Variants in CCDC171 observed in about 807,000 individuals in gnomAD.
CCDC171 encodes the protein coiled-coil domain-containing protein 171.
In CCDC171, 177 loss-of-function variants were observed where a neutral mutation model predicts 168.2. That is an observed-to-expected ratio of 1.05 (90% CI 0.93 to 1.19). CCDC171 has a LOEUF of 1.19. Among genes scored for constraint, CCDC171 ranks in the 50% most tolerant of loss-of-function variants. CCDC171 has a pLI of 0.00. For synonymous variants in CCDC171, 687 were observed against 540.8 expected (o/e 1.27, Z -3.75); for missense variants, 1,991 against 1,539.0 (o/e 1.29, Z -4.91).
At chr9:16,033,402 A>G (rs1037360043) in intron 6 of CCDC171, among the ~76,000 whole-genome samples, 1 of 152,166 alleles carries the variant, frequency 6.6e-6, no homozygotes, top group African/African-American at 2.4e-5. Context: ...TCAGAACAGC[A>G]GCGGCATTAG....
At chr9:15,781,568 C>G (rs1027609808) in intron 20 of CCDC171, among the ~76,000 whole-genome samples, 1 of 152,056 alleles carries the variant, frequency 6.6e-6, no homozygotes, top group South Asian at 2.1e-4. Context: ...CCCACCACCA[C>G]GCTCAGCTAA....
intron 23 of CCDC171, among the ~76,000 whole-genome samples, chr9:15,851,111 G>A (rs545610595): frequency 6.6e-6 from 1 of 151,950 alleles, no homozygotes; most frequent in Non-Finnish European, 1.5e-5. Flanking sequence ...TGGATGTTAA[G>A]GAACTTAACC....
chr9:15,631,982 A>G (rs1035958203), intron 7 of CCDC171, among the ~76,000 whole-genome samples: 10 of 152,222 alleles, frequency 6.6e-5, no homozygotes, highest in Admixed American at 2.6e-4. Flanking sequence ...CCTTCATGCT[A>G]AAAACTCTCA....
intron 23 of CCDC171, among the ~76,000 whole-genome samples, chr9:15,852,020 T>A (rs1436777549): frequency 2.6e-5 from 4 of 151,976 alleles, no homozygotes; most frequent in African/African-American, 9.6e-5. Flanking sequence ...TTGGTTATTA[T>A]GAATAGTGAA....
chr9:15,609,134 C>G (rs1048735059), intron 6 of CCDC171, among the ~76,000 whole-genome samples: 5 of 149,536 alleles, frequency 3.3e-5, no homozygotes, highest in African/African-American at 4.9e-5. Context: ...GAGTCTCGCT[C>G]TGTCATCTAG....
chr9:16,036,371 A>G (rs765767519), intron 8 of CCDC171, among the ~76,000 whole-genome samples: 58 of 152,374 alleles, frequency 3.8e-4, no homozygotes, highest in Non-Finnish European at 6.0e-4. Flanking sequence ...TTGGCCGGGC[A>G]CGGTGGCTCA....
chr9:15,629,790 A>G (rs1224895532), intron 7 of CCDC171, among the ~76,000 whole-genome samples: 1 of 152,230 alleles, frequency 6.6e-6, no homozygotes, highest in African/African-American at 2.4e-5. Flanking sequence ...AGGTTGGGTT[A>G]CCCACAAAGG....
intron 3 of CCDC171, among the ~76,000 whole-genome samples, chr9:15,988,334 G>C (rs1294100921): frequency 6.6e-6 from 1 of 152,160 alleles, no homozygotes; most frequent in Non-Finnish European, 1.5e-5. Flanking sequence ...GAGTCCTCAA[G>C]GGATGACTAG....
At chr9:15,908,447 T>C (rs1039575286) in intron 24 of CCDC171, among the ~76,000 whole-genome samples, 24 of 150,818 alleles carry the variant, frequency 1.6e-4, no homozygotes, top group African/African-American at 5.6e-4. Flanking sequence ...TAGGTGGGAA[T>C]TGAACAATGA....
At chr9:15,833,751 A>C (rs2060331017) in intron 21 of CCDC171, among the ~76,000 whole-genome samples, 1 of 152,216 alleles carries the variant, frequency 6.6e-6, no homozygotes, top group African/African-American at 2.4e-5. Flanking sequence ...TTTCCTTGCC[A>C]CTTGGCTAAA....
At chr9:15,796,279 C>G (rs1447794999) in intron 21 of CCDC171, among the ~76,000 whole-genome samples, 1 of 151,792 alleles carries the variant, frequency 6.6e-6, no homozygotes, top group African/African-American at 2.4e-5. Flanking sequence ...GAGGAAATAA[C>G]ACATAATGCT....
At chr9:15,779,911 A>C (rs1267751132) in intron 20 of CCDC171, among the ~76,000 whole-genome samples, 1 of 152,254 alleles carries the variant, frequency 6.6e-6, no homozygotes, top group African/African-American at 2.4e-5. Flanking sequence ...TGGGATAGTT[A>C]TTAACATTGC....
Position 15,657,166 on chromosome 9 carries a change from G to A in CCDC171, c.862G>A (p.Glu288Lys), listed in dbSNP as rs1213160209. 1 of 1,611,116 alleles carries A rather than the reference G, an allele frequency of 6.2e-7. No homozygotes were observed. The highest frequency in any genetic ancestry group is 1.7e-5 in the Admixed American group (1 of 59,468). Reference sequence around the variant, plus strand: ...AGTGAGGAAATTAGAAGAAAACATTGAAGCAGAAAGAGCAGCGCATTTGGA... The same window carrying A: ...AGTGAGGAAATTAGAAGAAAACATTAAAGCAGAAAGAGCAGCGCATTTGGA... The part of the protein sequence containing the change: ...LRVRKLEENI[E>K]AERAAHLESK... Residue 288 changes from glutamate (E) to lysine (K), a missense_variant, in exon 8 of 26, where the codon GAA (glutamate) becomes AAA (lysine). Transcript: ENST00000380701.
chr9:15,949,752 C>G (rs1285989754), intron 25 of CCDC171, among the ~76,000 whole-genome samples: 1 of 152,132 alleles, frequency 6.6e-6, no homozygotes, highest in African/African-American at 2.4e-5. Flanking sequence ...CGTCTGCAAA[C>G]AGGGACAATT....
downstream of CCDC171, among the ~76,000 whole-genome samples, chr9:15,975,454 A>C (rs913650725): frequency 2.0e-5 from 3 of 152,218 alleles, no homozygotes; most frequent in Non-Finnish European, 4.4e-5. Context: ...TAGATTTCTT[A>C]TGAATTGATT....
rs1422176258 is a variant in CCDC171, at chr9:16,046,967, C to T, written n.89+4081C>T. Among the ~76,000 whole-genome samples the T allele has an allele frequency of 2.0e-5, 3 of 152,164 alleles. No homozygotes were observed. In the East Asian group the frequency reaches 5.8e-4, roughly 29 times the overall value. ...TCTCCTTCCCTCCCTTCACTCTGAC[C>T]ATTCCCCTCAAGTCCCCGTAGCTGG... On this transcript the variant is annotated intron_variant and non_coding_transcript_variant, in intron 1 of 1. Coordinates refer to the CCDC171 transcript ENST00000478913.
intron 24 of CCDC171, among the ~76,000 whole-genome samples, chr9:15,909,073 A>G (rs1563982254): frequency 6.6e-6 from 1 of 152,194 alleles, no homozygotes; most frequent in East Asian, 1.9e-4. Context: ...TGAGTATATC[A>G]CAGAGTTATA....
intron 25 of CCDC171, chr9:15,922,229 A>G (rs1046483156): frequency 8.7e-6 from 3 of 343,688 alleles, no homozygotes; most frequent in Non-Finnish European, 1.9e-5. Flanking sequence ...ATGCTGCCCA[A>G]TTCCATGTCT....
intron 21 of CCDC171, among the ~76,000 whole-genome samples, chr9:15,805,714 G>A (rs533610014): frequency 8.5e-5 from 13 of 152,140 alleles, no homozygotes; most frequent in Admixed American, 1.3e-4. Flanking sequence ...TGAGAAGACT[G>A]TATATTCTGT....
Sources: gnomAD v4.1 joint callset for allele counts (sites outside exome capture counted in the v4.1 genomes callset) on GRCh38, gnomAD v4.1.1 for gene constraint, MANE v1.5 for transcripts, NCBI Gene and HGNC (gene_info 2026-07-23, HGNC 2026-07-21) for gene names.